Variants in ZNF704 observed in about 807,000 individuals in gnomAD.
ZNF704 encodes the protein zinc finger protein 704.
ZNF704 carries 10 observed loss-of-function variants against 44.7 expected under a neutral mutation model. That is an observed-to-expected ratio of 0.22 (90% CI 0.14 to 0.38). ZNF704 has a LOEUF of 0.38. ZNF704 is among the 10% of genes least tolerant of loss of function. The probability of loss-of-function intolerance (pLI) is 1.00; values close to 1 mark genes in which losing one functional copy is unlikely to be tolerated. For synonymous variants in ZNF704, 211 were observed against 207.6 expected (o/e 1.02, Z -0.14); for missense variants, 390 against 545.5 (o/e 0.71, Z 2.84).
intron 2 of ZNF704, among the ~76,000 whole-genome samples, chr8:80,715,855 G>T (rs754243596): frequency 2.6e-5 from 4 of 152,098 alleles, no homozygotes; most frequent in Non-Finnish European, 5.9e-5. Context: ...CGAGGCAGGT[G>T]GATCACCTGA....
intron 2 of ZNF704, among the ~76,000 whole-genome samples, chr8:80,759,493 CA>C (rs1807092752): frequency 1.3e-5 from 2 of 152,072 alleles, no homozygotes; most frequent in Non-Finnish European, 2.9e-5. Context: ...GAGAATATGG[CA>C]AAGGTGACGA....
At chr8:80,679,456 A>C (rs1432341057) in intron 4 of ZNF704, among the ~76,000 whole-genome samples, 4 of 152,200 alleles carry the variant, frequency 2.6e-5, no homozygotes, top group African/African-American at 7.2e-5. Flanking sequence ...AGCCAAACCA[A>C]GCAAAGCTTC....
intron 2 of ZNF704, among the ~76,000 whole-genome samples, chr8:80,780,789 C>T (rs952392699): frequency 4.6e-5 from 7 of 152,086 alleles, no homozygotes; most frequent in Non-Finnish European, 1.0e-4. Context: ...TCCCTAGACC[C>T]CCAAGAGGGA....
chr8:80,642,755 C>A (rs1360357800), intron 8 of ZNF704, among the ~76,000 whole-genome samples: 1 of 152,044 alleles, frequency 6.6e-6, no homozygotes, highest in Non-Finnish European at 1.5e-5. Flanking sequence ...GAGATTAATA[C>A]AACATGGCTC....
upstream of ZNF704, among the ~76,000 whole-genome samples, chr8:80,876,674 T>C (rs1336029015): frequency 6.6e-6 from 1 of 152,186 alleles, no homozygotes. Context: ...GGGATCATAG[T>C]AGTAAAGTTG....
chr8:80,758,123 A>T (rs1807067985), intron 2 of ZNF704, among the ~76,000 whole-genome samples: 1 of 152,214 alleles, frequency 6.6e-6, no homozygotes, highest in African/African-American at 2.4e-5. Context: ...CATTGCTTCA[A>T]ATACATCTTC....
At chr8:80,647,359 G>A (rs1050106678) in intron 7 of ZNF704, among the ~76,000 whole-genome samples, 26 of 152,202 alleles carry the variant, frequency 1.7e-4, no homozygotes, top group African/African-American at 5.6e-4. Context: ...GGGAGGTGGA[G>A]GGTGGGAGGA....
intron 2 of ZNF704, among the ~76,000 whole-genome samples, chr8:80,706,869 A>G (rs1818906289): frequency 6.6e-6 from 1 of 152,188 alleles, no homozygotes; most frequent in Non-Finnish European, 1.5e-5. Context: ...TGATACCTCC[A>G]CTGTCTTACA....
At chr8:80,679,628 C>T (rs963328794) in intron 4 of ZNF704, among the ~76,000 whole-genome samples, 5 of 152,202 alleles carry the variant, frequency 3.3e-5, no homozygotes, top group African/African-American at 9.7e-5. Context: ...AGAACACCAA[C>T]GTCAGCAAAG....
intron 2 of ZNF704, among the ~76,000 whole-genome samples, chr8:80,695,161 A>C (rs1277640897): frequency 6.6e-6 from 1 of 152,230 alleles, no homozygotes; most frequent in African/African-American, 2.4e-5. Context: ...CCTTCAGGTA[A>C]TTCTGAGTGT....
At chr8:80,864,721 T>C (rs905183463) in intron 1 of ZNF704, among the ~76,000 whole-genome samples, 4 of 152,166 alleles carry the variant, frequency 2.6e-5, no homozygotes, top group Non-Finnish European at 5.9e-5. Flanking sequence ...ATTACAAGTC[T>C]GAGACACCAA....
At chr8:80,718,423 G>C (rs1445822834) in intron 2 of ZNF704, among the ~76,000 whole-genome samples, 1 of 152,102 alleles carries the variant, frequency 6.6e-6, no homozygotes, top group Non-Finnish European at 1.5e-5. Context: ...TCTCCCTCTA[G>C]AGGTAGAGTA....
upstream of ZNF704, among the ~76,000 whole-genome samples, chr8:80,877,582 G>A (rs902638660): frequency 2.6e-5 from 4 of 152,126 alleles, no homozygotes; most frequent in African/African-American, 4.8e-5. Flanking sequence ...AACTGGGAGC[G>A]CTTGCCACTC....
intron 2 of ZNF704, among the ~76,000 whole-genome samples, chr8:80,781,045 C>A (rs747195531): frequency 1.3e-5 from 2 of 152,142 alleles, no homozygotes; most frequent in African/African-American, 4.8e-5. Flanking sequence ...ACAATAAGTT[C>A]GGCAGAAAAA....
chr8:80,799,196 T>C (rs886077933), intron 2 of ZNF704, among the ~76,000 whole-genome samples: 5 of 152,214 alleles, frequency 3.3e-5, no homozygotes, highest in Admixed American at 3.3e-4. Context: ...CCATAGGAAC[T>C]GGAAATTACT....
intron 2 of ZNF704, among the ~76,000 whole-genome samples, chr8:80,727,712 G>A (rs1473084759): frequency 6.6e-6 from 1 of 152,052 alleles, no homozygotes; most frequent in Non-Finnish European, 1.5e-5. Flanking sequence ...CCTTGGCAGT[G>A]CAAATTAGGA....
At chr8:80,682,408 A>C (rs1443249902) in intron 4 of ZNF704, among the ~76,000 whole-genome samples, 1 of 152,266 alleles carries the variant, frequency 6.6e-6, no homozygotes, top group Non-Finnish European at 1.5e-5. Flanking sequence ...CCTGTGAAAT[A>C]AATGGAAATG....
chr8:80,758,297 T>C (rs1183486849), intron 2 of ZNF704, among the ~76,000 whole-genome samples: 1 of 152,172 alleles, frequency 6.6e-6, no homozygotes, highest in Non-Finnish European at 1.5e-5. Flanking sequence ...TTACTAAGCA[T>C]AATTTGGGCC....
intron 1 of ZNF704, among the ~76,000 whole-genome samples, chr8:80,829,346 C>A (rs1393630918): frequency 6.6e-6 from 1 of 152,018 alleles, no homozygotes; most frequent in Non-Finnish European, 1.5e-5. Flanking sequence ...CCAGTCCATT[C>A]CTAACCTATG....
Sources: allele counts gnomAD v4.1 joint callset (sites outside exome capture counted in the v4.1 genomes callset), GRCh38; gene constraint gnomAD v4.1.1; transcripts MANE v1.5; gene names NCBI Gene and HGNC (gene_info 2026-07-23, HGNC 2026-07-21).